The following SOX5 variants were observed in gnomAD, a reference collection of about 807,000 sequenced individuals.
The protein encoded by SOX5 is transcription factor SOX-5.
Under a neutral mutation model 92.0 loss-of-function variants are expected in SOX5, and 9 were observed. The observed-to-expected ratio is 0.10, with a 90% CI of 0.06 to 0.17. The LOEUF is 0.17. SOX5 is among the 10% of genes least tolerant of loss of function. SOX5 has a pLI of 1.00. For synonymous variants in SOX5, 344 were observed against 336.3 expected (o/e 1.02, Z -0.25); for missense variants, 642 against 944.5 (o/e 0.68, Z 4.20).
rs146522712 is a variant in SOX5, at chr12:24,120,729, T to A, written c.-2+92614A>T. Among the ~76,000 whole-genome samples, 1,009 of 152,320 alleles carry A rather than the reference T, an allele frequency of 6.6e-3. 10 individuals are homozygous for A. Among genetic ancestry groups the A allele is most frequent in the African/African-American group, 0.023 (957 of 41,566 alleles). On this transcript the variant is annotated intron_variant, in intron 4 of 4. Transcript: ENST00000446891. ...AATGAAAATACACTATATCTGTAAC[T>A]TTTTCTTATGGCAGAGAATTGAAAT...
At position 24,221,594 on chromosome 12, in the gene SOX5, CCCACTGAGCA is replaced by C. The variant is rs1383722254; in HGVS notation, c.-76-8187_-76-8178del. Among the ~76,000 whole-genome samples the C allele has an allele frequency of 6.6e-5, 10 of 152,290 alleles. No homozygotes were observed. The East Asian group carries it at 1.9e-3, about 29-fold the overall frequency. Reference sequence around the variant, plus strand: ...TTTAAATTTATTCACTCAAAAACTGCCCACTGAGCACCTACTACCTGCCAGATACTATTCT... The same window carrying C: ...TTTAAATTTATTCACTCAAAAACTGCCCTACTACCTGCCAGATACTATTCT... On this transcript the variant is annotated intron_variant, in intron 3 of 4. Transcript: ENST00000446891.
chr12:23,953,729 T>A (rs1202903928), upstream of SOX5, among the ~76,000 whole-genome samples: 1 of 151,874 alleles, frequency 6.6e-6, no homozygotes, highest in African/African-American at 2.4e-5. Flanking sequence ...GAATAATACA[T>A]AAAATGGTAA....
chr12:23,845,155 T>C (rs2096560911), intron 3 of SOX5, among the ~76,000 whole-genome samples: 1 of 152,230 alleles, frequency 6.6e-6, no homozygotes, highest in Admixed American at 6.5e-5. Flanking sequence ...ACACGCAGTG[T>C]ATTTTTGTTA....
chr12:24,104,804 C>T (rs987104629), intron 4 of SOX5, among the ~76,000 whole-genome samples: 3 of 152,144 alleles, frequency 2.0e-5, no homozygotes, highest in Non-Finnish European at 4.4e-5. Flanking sequence ...TATTATGTTC[C>T]AATATAACAG....
chr12:24,256,676 ATGAC>A (rs1341875594), intron 3 of SOX5, among the ~76,000 whole-genome samples: 1 of 152,110 alleles, frequency 6.6e-6, no homozygotes, highest in African/African-American at 2.4e-5. Flanking sequence ...TGGGTGGGGA[ATGAC>A]TGACTATCCA....
chr12:24,258,846 A>G (rs894641517), intron 3 of SOX5, among the ~76,000 whole-genome samples: 2 of 152,230 alleles, frequency 1.3e-5, no homozygotes, highest in Non-Finnish European at 2.9e-5. Flanking sequence ...TGAAATAGGT[A>G]CTATTATCTC....
intron 6 of SOX5, among the ~76,000 whole-genome samples, chr12:23,675,458 T>C (rs548312148): frequency 6.6e-6 from 1 of 152,050 alleles, no homozygotes; most frequent in East Asian, 1.9e-4. Flanking sequence ...GAAAGGATAG[T>C]CTCTTCAATA....
At chr12:24,525,759 C>T (rs1184861689) in intron 1 of SOX5, among the ~76,000 whole-genome samples, 2 of 151,956 alleles carry the variant, frequency 1.3e-5, no homozygotes, top group East Asian at 3.9e-4. Flanking sequence ...GTAGTCCCAG[C>T]GACTCGGGAG....
chr12:23,709,696 A>C (rs981718131), intron 6 of SOX5, among the ~76,000 whole-genome samples: 2 of 152,156 alleles, frequency 1.3e-5, no homozygotes, highest in African/African-American at 4.8e-5. Context: ...CAGTTCTCCT[A>C]CTGGTTAGGA....
At chr12:23,916,500 G>C (rs992871381) in intron 1 of SOX5, among the ~76,000 whole-genome samples, 1 of 152,156 alleles carries the variant, frequency 6.6e-6, no homozygotes, top group African/African-American at 2.4e-5. Context: ...TCAGCTCATG[G>C]AGTATATAGA....
At chr12:24,120,969 C>T (rs986339212) in intron 4 of SOX5, among the ~76,000 whole-genome samples, 2 of 152,070 alleles carry the variant, frequency 1.3e-5, no homozygotes, top group African/African-American at 2.4e-5. Context: ...CTCCAGATTC[C>T]CATGGTCCTT....
intron 1 of SOX5, among the ~76,000 whole-genome samples, chr12:23,948,412 CT>C (rs973270958): frequency 6.6e-6 from 1 of 151,872 alleles, no homozygotes; most frequent in African/African-American, 2.4e-5. Context: ...TTTGTCCTTT[CT>C]TTTTTCGTCT....
chr12:23,837,004 T>C (rs2096425936), intron 3 of SOX5, among the ~76,000 whole-genome samples: 1 of 151,120 alleles, frequency 6.6e-6, no homozygotes, highest in East Asian at 1.9e-4. Flanking sequence ...TTCTTTCTGA[T>C]ACTATGTTGC....
At chr12:24,320,875 A>C (rs1950155609) in intron 2 of SOX5, among the ~76,000 whole-genome samples, 1 of 75,100 alleles carries the variant, frequency 1.3e-5, no homozygotes, top group South Asian at 5.2e-4. Context: ...AAAAAAAAAT[A>C]ATAATAATAA....
intron 1 of SOX5, among the ~76,000 whole-genome samples, chr12:24,426,823 C>T (rs1966827627): frequency 6.6e-6 from 1 of 152,188 alleles, no homozygotes; most frequent in Non-Finnish European, 1.5e-5. Context: ...TATTACTTCC[C>T]TCTCTCTGGA....
chr12:24,294,513 C>G (rs1486590518), intron 2 of SOX5, among the ~76,000 whole-genome samples: 1 of 152,152 alleles, frequency 6.6e-6, no homozygotes, highest in Non-Finnish European at 1.5e-5. Flanking sequence ...ATGTGAATAC[C>G]TCCATGCAAA....
At chr12:23,909,593 A>G (rs2097329343) in intron 1 of SOX5, among the ~76,000 whole-genome samples, 1 of 152,176 alleles carries the variant, frequency 6.6e-6, no homozygotes, top group Non-Finnish European at 1.5e-5. Context: ...TACCATTTAT[A>G]GGTACTCAGT....
rs755510245 is a variant in SOX5, at chr12:23,575,820, G to A, written c.1183C>T (p.Leu395=). 6.3e-7 allele frequency: 1 copy of A among 1,580,224 alleles called. No homozygotes were observed. Among genetic ancestry groups the A allele is most frequent in the Non-Finnish European group, 8.6e-7 (1 of 1,165,016 alleles). ...GTCTTGGGTTTAGCTGATAGGTTCA[G>A]TGGCTGTGCCACTTCATCCTGCAAT... ...PKSKDEVAQP[L]NLSAKPKTSD... Residue 395 remains leucine (L), a synonymous_variant, in exon 10 of 15, where the codon CTG becomes TTG. Coordinates refer to ENST00000451604, the MANE Select transcript of SOX5 (RefSeq NM_006940.6).
intron 1 of SOX5, among the ~76,000 whole-genome samples, chr12:24,371,433 G>T (rs1956731347): frequency 6.6e-6 from 1 of 152,176 alleles, no homozygotes; most frequent in Non-Finnish European, 1.5e-5. Flanking sequence ...AGGCTGTGTT[G>T]GATTTCTGAC....
Sources: allele counts gnomAD v4.1 joint callset (sites outside exome capture counted in the v4.1 genomes callset), GRCh38; gene constraint gnomAD v4.1.1; transcripts MANE v1.5; gene names NCBI Gene and HGNC (gene_info 2026-07-23, HGNC 2026-07-21).